The following GLI2 variants were observed in gnomAD, a reference collection of about 807,000 sequenced individuals.
The protein encoded by GLI2 is GLI family zinc finger 2, also known as transcription activator GLI2.
Under a neutral mutation model 78.9 loss-of-function variants are expected in GLI2, and 22 were observed. The observed-to-expected ratio is 0.28, with a 90% CI of 0.20 to 0.40. The LOEUF (loss-of-function observed/expected upper bound fraction) is 0.40, where lower values mean the gene tolerates loss of function less well. Ranked by LOEUF, GLI2 falls within the 10% of genes least tolerant of loss-of-function variation. The probability of loss-of-function intolerance (pLI) is 1.00; values close to 1 mark genes in which losing one functional copy is unlikely to be tolerated. For synonymous variants in GLI2, 974 were observed against 963.7 expected (o/e 1.01, Z -0.20); for missense variants, 2,097 against 2,213.2 (o/e 0.95, Z 1.05).
chr2:120,812,761 A>G (rs1685315501), intron 2 of GLI2, among the ~76,000 whole-genome samples: 1 of 151,936 alleles, frequency 6.6e-6, no homozygotes, highest in South Asian at 2.1e-4. Context: ...CTTTTCCTGG[A>G]ACTTTTTCTC....
At chr2:120,973,186 C>A (rs1383191184) in intron 8 of GLI2, among the ~76,000 whole-genome samples, 3 of 152,196 alleles carry the variant, frequency 2.0e-5, no homozygotes, top group African/African-American at 4.8e-5. Flanking sequence ...ATGACAAATT[C>A]TTCTCCCCTT....
chr2:120,800,816 A>C lies in GLI2; in HGVS notation c.148+3348A>C, dbSNP rs143793874. 1.8e-4 allele frequency among the ~76,000 whole-genome samples: 28 copies of C among 152,224 alleles called. No homozygotes were observed. The highest frequency in any genetic ancestry group is 6.8e-3 in the Middle Eastern group (2 of 294). On this transcript the variant is annotated intron_variant, in intron 2 of 13. Coordinates refer to ENST00000361492, the MANE Select transcript of GLI2 (RefSeq NM_001374353.1). The surrounding 1 kb of genome is among the most constrained non-coding windows in gnomAD (Gnocchi z 4.1). ...CCACCGCACCCGGCCGAAAGGGATG[A>C]CTTATACGAGCTTAGTGTTTCCTGA...
At chr2:120,770,786 G>C (rs980397387) in intron 1 of GLI2, among the ~76,000 whole-genome samples, 1 of 152,162 alleles carries the variant, frequency 6.6e-6, no homozygotes, top group African/African-American at 2.4e-5. Context: ...TGCCTGTTGG[G>C]TGTTCTCAAA....
chr2:120,935,947 G>A (rs1262228563), intron 3 of GLI2, among the ~76,000 whole-genome samples: 1 of 152,198 alleles, frequency 6.6e-6, no homozygotes, highest in African/African-American at 2.4e-5. Flanking sequence ...GTGGTGGTCA[G>A]CCGAGAGCAG....
chr2:120,953,501 C>T (rs139986031), intron 4 of GLI2, among the ~76,000 whole-genome samples: 2 of 152,316 alleles, frequency 1.3e-5, no homozygotes, highest in East Asian at 1.9e-4. Flanking sequence ...TGATCTGTTA[C>T]AGCATTTGCC....
intron 3 of GLI2, among the ~76,000 whole-genome samples, chr2:120,947,612 A>C (rs1365509924): frequency 6.6e-6 from 1 of 152,070 alleles, no homozygotes; most frequent in African/African-American, 2.4e-5. Flanking sequence ...CTATATTCCA[A>C]ATTGGCTTGT....
At chr2:120,981,331 T>G (rs1347848563) in intron 10 of GLI2, among the ~76,000 whole-genome samples, 1 of 152,244 alleles carries the variant, frequency 6.6e-6, no homozygotes. Context: ...TGACCTTAAG[T>G]GTCTGGGTTT....
chr2:120,988,232 G>A lies in GLI2; in HGVS notation c.2267G>A (p.Gly756Asp), dbSNP rs886054812. 6.3e-6 allele frequency: 10 copies of A among 1,588,898 alleles called. No individual in the cohort carries two copies. The Admixed American group carries it at 1.0e-4, about 16-fold the overall frequency. ...GSGSILENFS[G>D]SGGGGPAGLL... ...GGCTCCATCCTGGAAAACTTCAGTGGCAGTGGGGGCGGCGGGCCCGCGGGG... is the reference window on the plus strand; with the variant it reads ...GGCTCCATCCTGGAAAACTTCAGTGACAGTGGGGGCGGCGGGCCCGCGGGG... Residue 756 changes from glycine to aspartate, a missense_variant, in exon 14 of 14, where the codon GGC (glycine) becomes GAC (aspartate). By Grantham distance (94) the Gly-to-Asp change is moderately conservative. Coordinates refer to ENST00000361492, the MANE Select transcript of GLI2 (RefSeq NM_001374353.1).
intron 1 of GLI2, among the ~76,000 whole-genome samples, chr2:120,742,036 C>T (rs707483): frequency 0.029 from 4,424 of 152,352 alleles, 205 homozygotes; most frequent in African/African-American, 0.1. Context: ...CCCGCTTCCC[C>T]AGGAGGGGCT....
Position 120,988,449 on chromosome 2 carries a change from C to T in GLI2, c.2484C>T (p.Arg828=), listed in dbSNP as rs1190519823. The change falls in exon 14 of 14, where the codon CGC becomes CGT. Residue 828 remains arginine (R), a synonymous_variant. Transcript: ENST00000361492. ...AGGCCTCGCCCCTGGGCGCCGGCCG[C>T]CCGCACAACGCGAGCTCCGCTGACT... is the stretch of plus-strand genomic sequence containing the variant. ...SSEASPLGAG[R]PHNASSADSY... is the part of the protein sequence containing the mutation. The T allele has an allele frequency of 6.4e-7, 1 of 1,571,370 alleles. No individual in the cohort carries two copies. The highest frequency in any genetic ancestry group is 8.6e-7 in the Non-Finnish European group (1 of 1,168,440).
intron 2 of GLI2, among the ~76,000 whole-genome samples, chr2:120,873,666 C>T (rs777646362): frequency 2.0e-5 from 3 of 152,296 alleles, no homozygotes; most frequent in Non-Finnish European, 2.9e-5. Context: ...CATTTTGGTC[C>T]GCTTTTGAAT....
intron 5 of GLI2, among the ~76,000 whole-genome samples, chr2:120,958,463 G>A (rs1433697321): frequency 6.6e-6 from 1 of 152,184 alleles, no homozygotes; most frequent in East Asian, 1.9e-4. Flanking sequence ...TCCAAGAGTG[G>A]CGTGTCACCC....
At chr2:120,917,772 G>A (rs1016991501) in intron 2 of GLI2, among the ~76,000 whole-genome samples, 2 of 152,234 alleles carry the variant, frequency 1.3e-5, no homozygotes, top group South Asian at 4.1e-4. Context: ...ATGCAGACAA[G>A]GAGAGTGGGA....
At chr2:120,877,393 G>C (rs531176767) in intron 2 of GLI2, among the ~76,000 whole-genome samples, 1 of 152,136 alleles carries the variant, frequency 6.6e-6, no homozygotes. Flanking sequence ...ATACATAACC[G>C]TAAAGTGCAT....
intron 6 of GLI2, among the ~76,000 whole-genome samples, chr2:120,970,158 C>G (rs1022480813): frequency 6.6e-6 from 1 of 152,128 alleles, no homozygotes; most frequent in Non-Finnish European, 1.5e-5. Flanking sequence ...TGGGAGCCAG[C>G]CTGCCAGGGG....
chr2:120,849,504 GA>G lies in GLI2; in HGVS notation c.148+52039del, dbSNP rs1687302089. Among the ~76,000 whole-genome samples the G allele has an allele frequency of 2.6e-5, 4 of 152,300 alleles. No individual in the cohort carries two copies. In the South Asian group the frequency reaches 8.3e-4, roughly 32 times the overall value. Reference sequence around the variant, plus strand: ...GGCGGCAATTGTGTTCTTTTGTAGAGAAAGTAAGGTAACTCTCTGGGGTAAC... The same window carrying G: ...GGCGGCAATTGTGTTCTTTTGTAGAGAAGTAAGGTAACTCTCTGGGGTAAC... On this transcript the variant is annotated intron_variant, in intron 2 of 13. Transcript: ENST00000361492.
In GLI2 at chr2:120,970,446, T is replaced by A; in HGVS notation, c.899T>A (p.Leu300Gln). The stretch of plus-strand genomic sequence containing the variant: ...AACCCCGTGGCCTACCAGCAGATTC[T>A]GAGCCAGCAGAGGGGTCTGGGGTCA... ...PINPVAYQQI[L>Q]SQQRGLGSAF... is the part of the protein sequence containing the mutation. Residue 300 changes from leucine (L) to glutamine (Q), a missense_variant, in exon 7 of 14, where the codon CTG (leucine) becomes CAG (glutamine). Around this residue, in one of 5 missense-constraint regions of GLI2, gnomAD observed 578 missense variants for 612.0 expected, o/e 0.94. Coordinates refer to ENST00000361492, the MANE Select transcript of GLI2 (RefSeq NM_001374353.1). 1 of 1,613,706 alleles carries A rather than the reference T, an allele frequency of 6.2e-7. No homozygotes were observed. Among genetic ancestry groups the A allele is most frequent in the Non-Finnish European group, 8.5e-7 (1 of 1,179,824 alleles).
chr2:120,938,678 A>G (rs1462038786), intron 3 of GLI2, among the ~76,000 whole-genome samples: 1 of 152,228 alleles, frequency 6.6e-6, no homozygotes, highest in Non-Finnish European at 1.5e-5. Context: ...TGCAGGTCGC[A>G]TATATGGGAT....
At chr2:120,896,718 C>G (rs1350776363) in intron 2 of GLI2, among the ~76,000 whole-genome samples, 1 of 150,058 alleles carries the variant, frequency 6.7e-6, no homozygotes, top group Non-Finnish European at 1.5e-5. Context: ...CACACACACA[C>G]ACACACACAC....
Sources: gnomAD v4.1 joint callset for allele counts (sites outside exome capture counted in the v4.1 genomes callset) on GRCh38, gnomAD v4.1.1 for gene constraint, gnomAD v4.1.1 regional missense constraint, Gnocchi (gnomAD v3.1) non-coding constraint, MANE v1.5 for transcripts, NCBI Gene and HGNC (gene_info 2026-07-23, HGNC 2026-07-21) for gene names.